Variants in KCNT2 observed in about 807,000 individuals in gnomAD.
KCNT2 encodes the protein potassium sodium-activated channel subfamily T member 2.
A neutral mutation model predicts 153.8 loss-of-function variants in KCNT2; 67 were observed. The ratio of observed to expected loss-of-function variants is 0.44; its 90% CI spans 0.36 to 0.53. The LOEUF (loss-of-function observed/expected upper bound fraction) is 0.53, where lower values mean the gene tolerates loss of function less well. Ranked by LOEUF, KCNT2 falls within the 20% of genes least tolerant of loss-of-function variation. The pLI is 0.00. For missense variants in KCNT2, 975 were observed against 1,354.8 expected, an observed-to-expected ratio of 0.72 and a Z score of 4.40; for synonymous variants, 500 against 458.8, an observed-to-expected ratio of 1.09 and a Z score of -1.15.
In KCNT2 at chr1:196,373,253, T is replaced by A. The variant is rs1668681944; in HGVS notation, c.1295-5A>T. 1 of 1,289,044 alleles carries A rather than the reference T, an allele frequency of 7.8e-7. No homozygotes were observed. The highest frequency in any genetic ancestry group is 1.5e-5 in the African/African-American group (1 of 68,414). The allele number at this position is 1,289,044 out of a possible 1,614,324, so 79.9% of individuals were successfully genotyped here. A position where few individuals can be genotyped will look rare whatever the true frequency, so the allele number is the denominator to read the frequency against. On this transcript the variant is annotated splice_region_variant and splice_polypyrimidine_tract_variant and intron_variant, in intron 13 of 27. Transcript: ENST00000294725. ...CTTCTTCACAAACAACATGATCTGT[T>A]TGAAATAAAATAGGTAAATTAGAAT... is the stretch of plus-strand genomic sequence containing the variant.
At chr1:196,282,480 T>C (rs1451337895) in intron 23 of KCNT2, 124 bp from the exon 24 acceptor site, 4 of 548,200 alleles carry the variant, frequency 7.3e-6, no homozygotes, top group Non-Finnish European at 1.3e-5. Flanking sequence ...ATCACATTTT[T>C]AACCCTCCAT....
intron 8 of KCNT2, among the ~76,000 whole-genome samples, chr1:196,444,192 C>T (rs1675487734): frequency 6.6e-6 from 1 of 151,012 alleles, no homozygotes; most frequent in Admixed American, 6.6e-5. Flanking sequence ...ATGTTCATAG[C>T]CTCCATGCAC....
At chr1:196,391,610 C>T (rs1227264984) in intron 13 of KCNT2, among the ~76,000 whole-genome samples, 2 of 151,182 alleles carry the variant, frequency 1.3e-5, no homozygotes, top group Non-Finnish European at 3.0e-5. Context: ...TCTCAAAATA[C>T]CTAATATCCA....
At chr1:196,601,486 A>G (rs1664716680) in intron 1 of KCNT2, among the ~76,000 whole-genome samples, 1 of 152,186 alleles carries the variant, frequency 6.6e-6, no homozygotes, top group African/African-American at 2.4e-5. Flanking sequence ...TAGGGTGTTT[A>G]ATGTCTGTGA....
chr1:196,472,805 T>C (rs1341288882), intron 5 of KCNT2, among the ~76,000 whole-genome samples: 1 of 152,154 alleles, frequency 6.6e-6, no homozygotes, highest in African/African-American at 2.4e-5. Context: ...AGTTTTTATT[T>C]CAGCTCATTT....
intron 12 of KCNT2, among the ~76,000 whole-genome samples, chr1:196,407,846 C>A (rs917311908): frequency 5.1e-5 from 7 of 137,056 alleles, no homozygotes; most frequent in Non-Finnish European, 9.9e-5. Context: ...GGAATAAAAA[C>A]AATTTTTTTT....
chr1:196,438,499 T>C (rs992475654), intron 8 of KCNT2, among the ~76,000 whole-genome samples: 1 of 151,654 alleles, frequency 6.6e-6, no homozygotes, highest in Non-Finnish European at 1.5e-5. Flanking sequence ...AAAAGAAGAG[T>C]TAGGCAATTT....
intron 14 of KCNT2, among the ~76,000 whole-genome samples, chr1:196,352,411 A>C (rs1363384931): frequency 1.4e-4 from 22 of 151,864 alleles, no homozygotes; most frequent in Admixed American, 1.3e-3. Context: ...CAGAGATTCA[A>C]CTTCTTCCTG....
intron 1 of KCNT2, among the ~76,000 whole-genome samples, chr1:196,570,353 T>C (rs143252376): frequency 1.3e-4 from 20 of 152,194 alleles, no homozygotes; most frequent in African/African-American, 4.3e-4. Context: ...TAATTTTGCC[T>C]GAGTAAACCT....
At chr1:196,498,113 C>T (rs1461101361) in intron 1 of KCNT2, among the ~76,000 whole-genome samples, 1 of 151,702 alleles carries the variant, frequency 6.6e-6, no homozygotes, top group Non-Finnish European at 1.5e-5. Context: ...TGTTCTGGTA[C>T]TTGAGTTCAA....
intron 13 of KCNT2, among the ~76,000 whole-genome samples, chr1:196,395,988 C>T (rs1026970582): frequency 3.3e-5 from 5 of 151,498 alleles, no homozygotes; most frequent in African/African-American, 1.2e-4. Flanking sequence ...ATTATTTTAT[C>T]ACCAACAGTA....
chr1:196,561,677 A>AAAAAAAAAAAAAAAAAAAAAAAC (rs1659426119), intron 1 of KCNT2, among the ~76,000 whole-genome samples: 1 of 31,900 alleles, frequency 3.1e-5, no homozygotes, highest in Non-Finnish European at 1.4e-3. Flanking sequence ...AAAAAAAAAA[A>AAAAAAAAAAAAAAAAAAAAAAAC]GAAGAAGAAG....
At chr1:196,273,379 A>AT in intron 25 of KCNT2, 1 of 824,092 alleles carries the variant, frequency 1.2e-6, no homozygotes, top group East Asian at 2.7e-5. Context: ...TGAGTATTAA[A>AT]TTCAATATTT....
chr1:196,551,581 G>A (rs1414212846), intron 1 of KCNT2, among the ~76,000 whole-genome samples: 4 of 151,640 alleles, frequency 2.6e-5, no homozygotes, highest in African/African-American at 9.7e-5. Context: ...CTATTCCTTA[G>A]AGAGACATCT....
At chr1:196,327,870 C>T (rs1664038929) in intron 18 of KCNT2, among the ~76,000 whole-genome samples, 1 of 151,774 alleles carries the variant, frequency 6.6e-6, no homozygotes, top group African/African-American at 2.4e-5. Context: ...GTCCTGGGCT[C>T]AAGCAATCCA....
At chr1:196,480,661 C>A (rs1305244678) in intron 4 of KCNT2, among the ~76,000 whole-genome samples, 2 of 151,796 alleles carry the variant, frequency 1.3e-5, no homozygotes, top group East Asian at 1.9e-4. Flanking sequence ...CGAGACCATC[C>A]TGGCTAACAC....
chr1:196,484,392 G>A (rs2148711939), intron 3 of KCNT2, among the ~76,000 whole-genome samples: 1 of 151,644 alleles, frequency 6.6e-6, no homozygotes, highest in South Asian at 2.1e-4. Flanking sequence ...ATGTAAATTT[G>A]TTTTAGTTCC....
chr1:196,559,578 A>ATTAGCAAAGTAAGAAAGTTTCTATT (rs1223567624), intron 1 of KCNT2, among the ~76,000 whole-genome samples: 3 of 151,758 alleles, frequency 2.0e-5, no homozygotes, highest in African/African-American at 4.8e-5. Flanking sequence ...TTACCTTCCC[A>ATTAGCAAAGTAAGAAAGTTTCTATT]TTAGCAAAGT....
chr1:196,302,052 C>G (rs1661233423), intron 22 of KCNT2, among the ~76,000 whole-genome samples: 1 of 152,106 alleles, frequency 6.6e-6, no homozygotes, highest in African/African-American at 2.4e-5. Context: ...GATTTAAAAT[C>G]TTAATTGTAT....
Sources: allele counts gnomAD v4.1 joint callset (sites outside exome capture counted in the v4.1 genomes callset), GRCh38; gene constraint gnomAD v4.1.1; transcripts MANE v1.5; gene names NCBI Gene and HGNC (gene_info 2026-07-23, HGNC 2026-07-21).